NRG1: variants seen among roughly 807,000 people sequenced by gnomAD.
The protein encoded by NRG1 is neuregulin 1.
Under a neutral mutation model 63.8 loss-of-function variants are expected in NRG1, and 18 were observed. The ratio of observed to expected loss-of-function variants is 0.28; its 90% CI spans 0.19 to 0.42. The LOEUF (loss-of-function observed/expected upper bound fraction) is 0.42, where lower values mean the gene tolerates loss of function less well. Ranked by LOEUF, NRG1 falls within the 10% of genes least tolerant of loss-of-function variation. The pLI is 1.00. For missense variants in NRG1, 762 were observed against 814.7 expected (o/e 0.94, Z 0.79); for synonymous variants, 302 against 301.3 (o/e 1.00, Z -0.02).
At chr8:32,592,099 C>A (rs1842632985) in intron 1 of NRG1, among the ~76,000 whole-genome samples, 1 of 140,714 alleles carries the variant, frequency 7.1e-6, no homozygotes. Flanking sequence ...CAGACCAAGG[C>A]TCCCGGTTTT....
At chr8:32,571,965 C>T (rs370394787) in intron 1 of NRG1, among the ~76,000 whole-genome samples, 2 of 152,286 alleles carry the variant, frequency 1.3e-5, no homozygotes, top group South Asian at 4.1e-4. Context: ...TTCCAAACCC[C>T]ATGTAATTTT....
intron 5 of NRG1, among the ~76,000 whole-genome samples, chr8:32,678,142 A>G (rs1807671619): frequency 6.6e-6 from 1 of 152,198 alleles, no homozygotes; most frequent in Non-Finnish European, 1.5e-5. Context: ...GACATAAAAA[A>G]TCTCCTTTAG....
At chr8:32,226,915 A>G (rs901125759) in intron 1 of NRG1, among the ~76,000 whole-genome samples, 1 of 152,220 alleles carries the variant, frequency 6.6e-6, no homozygotes, top group Admixed American at 6.5e-5. Flanking sequence ...CTATCCTTAC[A>G]TCACAGTATA....
chr8:32,548,169 G>A (rs1022206502), upstream of NRG1: 5 of 959,398 alleles, frequency 5.2e-6, no homozygotes, highest in Non-Finnish European at 6.2e-6. Context: ...TGGCGTGTCC[G>A]CGCCTCGGGG....
intron 1 of NRG1, among the ~76,000 whole-genome samples, chr8:31,945,408 G>T (rs893407619): frequency 2.0e-5 from 3 of 152,120 alleles, no homozygotes; most frequent in African/African-American, 7.2e-5. Context: ...CAGGCTTCCT[G>T]TTACTTATAT....
At chr8:32,632,237 C>T (rs1850448571) in intron 5 of NRG1, among the ~76,000 whole-genome samples, 1 of 152,132 alleles carries the variant, frequency 6.6e-6, no homozygotes. Context: ...ACACTCTTTT[C>T]TTCACTAGAC....
intron 1 of NRG1, among the ~76,000 whole-genome samples, chr8:32,345,325 T>C (rs965371077): frequency 2.6e-5 from 4 of 152,138 alleles, no homozygotes; most frequent in African/African-American, 4.8e-5. Context: ...GGAAGCTAAC[T>C]ATGTAGACTG....
At chr8:32,203,162 A>G (rs1843664817) in intron 1 of NRG1, among the ~76,000 whole-genome samples, 1 of 146,580 alleles carries the variant, frequency 6.8e-6, no homozygotes, top group African/African-American at 2.5e-5. Flanking sequence ...TGTGTTGGTA[A>G]TCTTGGGGAA....
intron 5 of NRG1, among the ~76,000 whole-genome samples, chr8:32,658,562 G>A (rs887176006): frequency 2.0e-5 from 3 of 152,060 alleles, no homozygotes; most frequent in African/African-American, 7.2e-5. Context: ...ATCAAAATTA[G>A]CATTACAGAG....
chr8:31,919,375 AG>A (rs1376353977), intron 1 of NRG1, among the ~76,000 whole-genome samples: 1 of 148,358 alleles, frequency 6.7e-6, no homozygotes, highest in East Asian at 2.2e-4. Context: ...AAAAGCAAGA[AG>A]GGGTTGTCAT....
chr8:32,445,966 T>G (rs1357472159), intron 1 of NRG1, among the ~76,000 whole-genome samples: 1 of 151,862 alleles, frequency 6.6e-6, no homozygotes, highest in African/African-American at 2.4e-5. Context: ...TTCTATATGG[T>G]TAACAAGGCA....
At chr8:32,580,556 A>G (rs1840455134) in intron 1 of NRG1, among the ~76,000 whole-genome samples, 1 of 152,192 alleles carries the variant, frequency 6.6e-6, no homozygotes, top group South Asian at 2.1e-4. Flanking sequence ...CCTATGAGAT[A>G]GGTTCTATTT....
At chr8:31,968,076 C>G (rs1327049889) in intron 1 of NRG1, among the ~76,000 whole-genome samples, 1 of 152,152 alleles carries the variant, frequency 6.6e-6, no homozygotes, top group Non-Finnish European at 1.5e-5. Context: ...ACATCCCTCC[C>G]TTTTGTTAAT....
intron 1 of NRG1, among the ~76,000 whole-genome samples, chr8:32,053,222 A>T (rs971801920): frequency 6.6e-6 from 1 of 152,154 alleles, no homozygotes; most frequent in Non-Finnish European, 1.5e-5. Flanking sequence ...CTAAGTCTCC[A>T]TATTTGACCA....
intron 1 of NRG1, among the ~76,000 whole-genome samples, chr8:31,777,002 A>G (rs1170888027): frequency 6.6e-6 from 1 of 152,130 alleles, no homozygotes; most frequent in Non-Finnish European, 1.5e-5. Flanking sequence ...TTCCTCAGGG[A>G]TCTAGAACTA....
chr8:32,276,701 C>T (rs987062617), intron 1 of NRG1, among the ~76,000 whole-genome samples: 3 of 152,008 alleles, frequency 2.0e-5, no homozygotes, highest in Non-Finnish European at 2.9e-5. Context: ...GAAGGTTCTC[C>T]CTGTGTTGAT....
chr8:32,645,758 T>C (rs1853384970), intron 5 of NRG1, among the ~76,000 whole-genome samples: 1 of 152,198 alleles, frequency 6.6e-6, no homozygotes, highest in Admixed American at 6.5e-5. Context: ...AGATGTCCAA[T>C]CACAGTAAGT....
At chr8:32,017,982 G>C (rs1282842274) in intron 1 of NRG1, among the ~76,000 whole-genome samples, 1 of 152,090 alleles carries the variant, frequency 6.6e-6, no homozygotes, top group African/African-American at 2.4e-5. Flanking sequence ...GTCATCTTTT[G>C]GTGACCAGTC....
At chr8:32,291,955 A>T (rs1315844202) in intron 1 of NRG1, among the ~76,000 whole-genome samples, 1 of 152,234 alleles carries the variant, frequency 6.6e-6, no homozygotes, top group Admixed American at 6.5e-5. Context: ...AGTTTATAGC[A>T]TACCTTCTCA....
Sources: gnomAD v4.1 joint callset for allele counts (sites outside exome capture counted in the v4.1 genomes callset) on GRCh38, gnomAD v4.1.1 for gene constraint, MANE v1.5 for transcripts, NCBI Gene and HGNC (gene_info 2026-07-23, HGNC 2026-07-21) for gene names.